The following MYO1E variants were observed in gnomAD, a reference collection of about 807,000 sequenced individuals.
MYO1E encodes myosin IE.
A neutral mutation model predicts 151.1 loss-of-function variants in MYO1E; 68 were observed. That is an observed-to-expected ratio of 0.45 (90% CI 0.37 to 0.55). The LOEUF (loss-of-function observed/expected upper bound fraction) is 0.55, where lower values mean the gene tolerates loss of function less well. Among genes scored for constraint, MYO1E ranks in the 20% least tolerant of loss-of-function variants. The probability of loss-of-function intolerance (pLI) is 0.00; values close to 1 mark genes in which losing one functional copy is unlikely to be tolerated. For synonymous variants in MYO1E, 601 were observed against 501.7 expected (o/e 1.20, Z -2.64); for missense variants, 1,363 against 1,389.3 (o/e 0.98, Z 0.30).
chr15:59,317,015 CT>C (rs2080593205), intron 1 of MYO1E, among the ~76,000 whole-genome samples: 1 of 152,150 alleles, frequency 6.6e-6, no homozygotes, highest in African/African-American at 2.4e-5. Context: ...ATTAAGTTGT[CT>C]TCTTGCTAGG....
rs2140358041 is a variant in MYO1E, at chr15:59,236,501, A to C, written c.420+84T>G. ...AGAAGAACCAGTGTCTTTTCTGTGG[A>C]AGAAAAATTCTTTTCTAACAGCAAA... On this transcript the variant is annotated intron_variant, in intron 5 of 27. Transcript: ENST00000288235. The C allele has an allele frequency of 5.8e-6, 7 of 1,205,890 alleles. No individual in the cohort carries two copies. The South Asian group carries it at 7.4e-5, about 13-fold the overall frequency. The allele number at this position is 1,205,890 out of a possible 1,614,324, so 74.7% of individuals were successfully genotyped here.
chr15:59,197,276 AGCCAC>A lies in MYO1E; in HGVS notation c.1699-1714_1699-1710del, dbSNP rs1474592038. Among the ~76,000 whole-genome samples, 5 of 152,320 alleles carry A rather than the reference AGCCAC, an allele frequency of 3.3e-5. No individual in the cohort carries two copies. The East Asian group carries it at 7.7e-4, about 23-fold the overall frequency. Reference sequence around the variant, plus strand: ...TCAAAGTGCTGGGATTACAGGCGTGAGCCACTGTGCCCAGCCTACAACTTTTAATT... The same window carrying A: ...TCAAAGTGCTGGGATTACAGGCGTGATGTGCCCAGCCTACAACTTTTAATT... On this transcript the variant is annotated intron_variant, in intron 16 of 27. Transcript: ENST00000288235.
intron 22 of MYO1E, among the ~76,000 whole-genome samples, chr15:59,169,641 C>T (rs1431616829): frequency 6.6e-6 from 1 of 151,598 alleles, no homozygotes; most frequent in African/African-American, 2.4e-5. Flanking sequence ...AAGGAAAGAC[C>T]GCAAGAAAGG....
chr15:59,276,902 C>G (rs1387947875), intron 1 of MYO1E, among the ~76,000 whole-genome samples: 1 of 152,152 alleles, frequency 6.6e-6, no homozygotes, highest in African/African-American at 2.4e-5. Context: ...AGGAGACAGC[C>G]CCAGGGTAGG....
chr15:59,255,816 T>C (rs1177996482), intron 4 of MYO1E, among the ~76,000 whole-genome samples: 4 of 152,214 alleles, frequency 2.6e-5, no homozygotes, highest in Non-Finnish European at 5.9e-5. Context: ...AGCCCACAGG[T>C]TGGACAAGCT....
chr15:59,171,799 G>C, intron 22 of MYO1E, 98 bp downstream of exon 22: 1 of 1,490,088 alleles, frequency 6.7e-7, no homozygotes, highest in Non-Finnish European at 9.3e-7. Flanking sequence ...TTGACAGCTG[G>C]GAAGCCCAGC....
At chr15:59,290,149 T>C (rs1363477888) in intron 1 of MYO1E, among the ~76,000 whole-genome samples, 3 of 152,186 alleles carry the variant, frequency 2.0e-5, no homozygotes, top group Non-Finnish European at 4.4e-5. Flanking sequence ...AGTGTGTGTG[T>C]CCATGGAATC....
At chr15:59,294,526 T>C (rs1490302703) in intron 1 of MYO1E, among the ~76,000 whole-genome samples, 2 of 152,190 alleles carry the variant, frequency 1.3e-5, no homozygotes, top group Non-Finnish European at 2.9e-5. Context: ...CGTCATGCCA[T>C]ATACCACAAA....
At chr15:59,182,208 CTTTTT>C (rs570398459) in intron 18 of MYO1E, among the ~76,000 whole-genome samples, 1 of 151,550 alleles carries the variant, frequency 6.6e-6, no homozygotes. Context: ...TCCCAGTATT[CTTTTT>C]TTTTATTTTT....
At chr15:59,178,347 G>C (rs750520462) in intron 19 of MYO1E, 46 bp downstream of exon 19, 8 of 1,609,438 alleles carry the variant, frequency 5.0e-6, no homozygotes, top group Non-Finnish European at 4.2e-6. Flanking sequence ...GGGCTGGCGG[G>C]GGCCCCGCGG....
chr15:59,175,666 G>C (rs1304305491), intron 19 of MYO1E, among the ~76,000 whole-genome samples: 11 of 152,204 alleles, frequency 7.2e-5, no homozygotes, highest in African/African-American at 2.4e-4. Flanking sequence ...CCTGTTGTAA[G>C]AATATCCATT....
intron 4 of MYO1E, among the ~76,000 whole-genome samples, chr15:59,255,703 A>T (rs1275209690): frequency 6.6e-6 from 1 of 152,050 alleles, no homozygotes; most frequent in African/African-American, 2.4e-5. Flanking sequence ...TGAAGAGCTT[A>T]AAAAAAATTG....
intron 1 of MYO1E, among the ~76,000 whole-genome samples, chr15:59,340,082 C>T (rs2080755917): frequency 6.6e-6 from 1 of 152,124 alleles, no homozygotes; most frequent in Admixed American, 6.6e-5. Context: ...TCTCAAACTC[C>T]TGACCTCAGG....
In MYO1E at chr15:59,224,842, G is replaced by A. The variant is rs1166491231; in HGVS notation, c.643-19C>T. On this transcript the variant is annotated intron_variant, in intron 7 of 27. Coordinates refer to ENST00000288235, the MANE Select transcript of MYO1E (RefSeq NM_004998.4). Reference sequence around the variant, plus strand: ...CGATGAGCTGGAGCAAGAGAACACAGGTTGAGCCATGATGTGGACCACAAG... The same window carrying A: ...CGATGAGCTGGAGCAAGAGAACACAAGTTGAGCCATGATGTGGACCACAAG... 1 of 1,614,138 alleles carries A rather than the reference G, an allele frequency of 6.2e-7. No homozygotes were observed. Among genetic ancestry groups the A allele is most frequent in the East Asian group, 2.2e-5 (1 of 44,882 alleles).
At chr15:59,227,674 C>G (rs1466563366) in intron 6 of MYO1E, 84 bp from the exon 7 acceptor site, 1 of 1,518,888 alleles carries the variant, frequency 6.6e-7, no homozygotes, top group African/African-American at 1.4e-5. Flanking sequence ...GTATATAATT[C>G]AAGGAAATTC....
At chr15:59,190,309 G>A (rs1214097352) in intron 17 of MYO1E, among the ~76,000 whole-genome samples, 1 of 152,186 alleles carries the variant, frequency 6.6e-6, no homozygotes, top group East Asian at 1.9e-4. Flanking sequence ...GTACATTTGG[G>A]GATATCTGTG....
At chr15:59,178,934 G>C (rs1332811590) in intron 18 of MYO1E, among the ~76,000 whole-genome samples, 2 of 152,214 alleles carry the variant, frequency 1.3e-5, no homozygotes, top group Admixed American at 1.3e-4. Flanking sequence ...AATGCAAAGA[G>C]TTTTATAAAG....
At chr15:59,370,443 C>G (rs1047128929) in intron 1 of MYO1E, among the ~76,000 whole-genome samples, 7 of 152,242 alleles carry the variant, frequency 4.6e-5, no homozygotes, top group African/African-American at 1.7e-4. Context: ...GGCACATCTC[C>G]TGTTTCAGGA....
At chr15:59,247,909 G>A in intron 4 of MYO1E, among the ~76,000 whole-genome samples, 1 of 151,978 alleles carries the variant, frequency 6.6e-6, no homozygotes, top group Middle Eastern at 3.2e-3. Context: ...ATCACTTGAG[G>A]TCAGGGGTTC....
Sources: allele counts gnomAD v4.1 joint callset (sites outside exome capture counted in the v4.1 genomes callset), GRCh38; gene constraint gnomAD v4.1.1; transcripts MANE v1.5; gene names NCBI Gene and HGNC (gene_info 2026-07-23, HGNC 2026-07-21).